C3orf85: variants seen among roughly 807,000 people sequenced by gnomAD.
C3orf85 encodes the protein chromosome 3 open reading frame 85.
A neutral mutation model predicts 1.7 loss-of-function variants in C3orf85; 1 was observed. That is an observed-to-expected ratio of 0.60 (90% CI 0.21 to 2.86). C3orf85 has a LOEUF of 2.86. Ranked by LOEUF, C3orf85 falls within the 30% of genes most tolerant of loss-of-function variation. The probability of loss-of-function intolerance (pLI) is 0.22; values close to 1 mark genes in which losing one functional copy is unlikely to be tolerated. For synonymous variants in C3orf85, 17 were observed against 8.0 expected, an observed-to-expected ratio of 2.13 and a Z score of -1.90; for missense variants, 29 against 21.3, an observed-to-expected ratio of 1.36 and a Z score of -0.72.
At position 109,151,379 on chromosome 3, in the gene C3orf85, T is replaced by C. The variant is rs1052145097; in HGVS notation, c.*1485T>C. On this transcript the variant is annotated 3_prime_UTR_variant, in exon 4 of 4. Transcript: ENST00000622536. ...CTCCTCAACATACGATGGCGTTACATCCCAATAAACCCGTCACACGCTGAA... is the reference window on the plus strand; with the variant it reads ...CTCCTCAACATACGATGGCGTTACACCCCAATAAACCCGTCACACGCTGAA... Among the ~76,000 whole-genome samples the C allele has an allele frequency of 6.6e-6, 1 of 152,130 alleles. No individual in the cohort carries two copies. Among genetic ancestry groups the C allele is most frequent in the African/African-American group, 2.4e-5 (1 of 41,398 alleles).
chr3:109,142,694 A>C (rs1706754515), intron 2 of C3orf85, among the ~76,000 whole-genome samples: 3 of 150,452 alleles, frequency 2.0e-5, no homozygotes, highest in Admixed American at 1.3e-4. Flanking sequence ...GTGCCCTGGC[A>C]TGTGCTCTGT....
chr3:109,139,131 CA>C (rs1706712248), intron 2 of C3orf85, among the ~76,000 whole-genome samples: 1 of 152,198 alleles, frequency 6.6e-6, no homozygotes, highest in African/African-American at 2.4e-5. Flanking sequence ...GCTACACAGT[CA>C]ATCAATGGTA....
intron 2 of C3orf85, among the ~76,000 whole-genome samples, chr3:109,147,087 A>C (rs1178196863): frequency 6.6e-6 from 1 of 152,182 alleles, no homozygotes; most frequent in African/African-American, 2.4e-5. Flanking sequence ...TTTTTAAAAA[A>C]TGTTTCTCCT....
rs754593996 is a variant in C3orf85 at position 109,148,378 on chromosome 3, G to A, written c.175G>A (p.Ala59Thr). Residue 59 changes from alanine (A) to threonine (T), a missense_variant, in exon 3 of 4, where the codon GCT (alanine) becomes ACT (threonine). Ala to Thr is a moderately conservative substitution (Grantham distance 58, BLOSUM62 0). Transcript: ENST00000622536. ...TTCAGATGTGTGGGTAAACACACTGGCTAAGCAGGTATTTGTATTAGAAAC... is the reference window on the plus strand; with the variant it reads ...TTCAGATGTGTGGGTAAACACACTGACTAAGCAGGTATTTGTATTAGAAAC... ...HSSDVWVNTL[A>T]KQARETWIAL... The A allele has an allele frequency of 5.7e-6, 4 of 702,454 alleles. 1 individual carries two copies. Among genetic ancestry groups the A allele is most frequent in the South Asian group, 4.4e-5 (3 of 67,592 alleles). 43.5% of individuals were successfully genotyped at this position (702,454 alleles called of 1,614,324 possible). A position where few individuals can be genotyped will look rare whatever the true frequency, so the allele number is the denominator to read the frequency against.
At chr3:109,139,029 T>C (rs962498752) in intron 2 of C3orf85, among the ~76,000 whole-genome samples, 1 of 152,238 alleles carries the variant, frequency 6.6e-6, no homozygotes, top group Non-Finnish European at 1.5e-5. Context: ...TCTTAGTCAG[T>C]TCTCATGACC....
chr3:109,148,615 C>G (rs1218230496), intron 3 of C3orf85: 1 of 481,014 alleles, frequency 2.1e-6, no homozygotes, highest in Non-Finnish European at 3.7e-6. Flanking sequence ...CCCTTCTTCT[C>G]AGGGCGACAT....
rs1706855374 is a variant in C3orf85 at position 109,150,303 on chromosome 3, T to C, written c.*409T>C. ...AGGACAGGGAGCTCTCAAATGGAGC[T>C]GATCCTCTTCTCTCTTCTTCAGTGC... On this transcript the variant is annotated 3_prime_UTR_variant, in exon 4 of 4. Coordinates refer to ENST00000622536, the MANE Select transcript of C3orf85 (RefSeq NM_001351622.2). 1 of 152,650 alleles carries C rather than the reference T, an allele frequency of 6.6e-6. No homozygotes were observed. The highest frequency in any genetic ancestry group is 1.5e-5 in the Non-Finnish European group (1 of 68,342). The allele number at this position is 152,650 out of a possible 1,614,324, so 9.5% of individuals were successfully genotyped here. A position where few individuals can be genotyped will look rare whatever the true frequency, so the allele number is the denominator to read the frequency against.
intron 2 of C3orf85, among the ~76,000 whole-genome samples, chr3:109,143,006 C>T (rs1706757597): frequency 6.6e-6 from 1 of 152,044 alleles, no homozygotes; most frequent in African/African-American, 2.4e-5. Context: ...GGAAGCATGC[C>T]CTAGGAGGGC....
At chr3:109,137,637 G>GTGTATA (rs751674362) in intron 2 of C3orf85, among the ~76,000 whole-genome samples, 1,738 of 79,862 alleles carry the variant, frequency 0.022, 42 homozygotes, top group South Asian at 0.062. Flanking sequence ...GTGTGTGTGT[G>GTGTATA]TATATATATA....
chr3:109,148,878 G>A (rs1325300333), intron 3 of C3orf85: 1 of 152,406 alleles, frequency 6.6e-6, no homozygotes, highest in Admixed American at 6.5e-5. Flanking sequence ...TTCACTTTCA[G>A]TTGTTCAGTA....
chr3:109,148,532 A>G, intron 3 of C3orf85, 146 bp downstream of exon 3: 1 of 597,268 alleles, frequency 1.7e-6, no homozygotes, highest in Non-Finnish European at 3.0e-6. Context: ...TTTCTTGCCC[A>G]TGAAGTGGTT....
Position 109,151,052 on chromosome 3 carries a change from A to T in C3orf85, c.*1158A>T, listed in dbSNP as rs1706863305. On this transcript the variant is annotated 3_prime_UTR_variant, in exon 4 of 4. Coordinates refer to ENST00000622536, the MANE Select transcript of C3orf85 (RefSeq NM_001351622.2). The stretch of plus-strand genomic sequence containing the variant: ...CATCCTATGGCCTAGAGGTGTTTTC[A>T]GTGAGAAATTTAAGGCTAATTTATA... Among the ~76,000 whole-genome samples the T allele has an allele frequency of 6.6e-6, 1 of 152,224 alleles. No individual in the cohort carries two copies. Among genetic ancestry groups the T allele is most frequent in the South Asian group, 2.1e-4 (1 of 4,834 alleles).
chr3:109,147,149 T>C (rs1209377241), intron 2 of C3orf85, among the ~76,000 whole-genome samples: 3 of 152,170 alleles, frequency 2.0e-5, no homozygotes, highest in African/African-American at 7.2e-5. Context: ...GTGAAACAAC[T>C]TCCTTGACCG....
Position 109,150,625 on chromosome 3 carries a change from G to A in C3orf85, c.*731G>A, listed in dbSNP as rs570991401. 6.6e-6 allele frequency: 1 copy of A among 152,186 alleles called. No homozygotes were observed. The highest frequency in any genetic ancestry group is 1.9e-4 in the East Asian group (1 of 5,184). The allele number at this position is 152,186 out of a possible 1,614,324, so 9.4% of individuals were successfully genotyped here. On this transcript the variant is annotated 3_prime_UTR_variant, in exon 4 of 4. Coordinates refer to ENST00000622536, the MANE Select transcript of C3orf85 (RefSeq NM_001351622.2). Reference sequence around the variant, plus strand: ...TTTTTCAATTAAAACTGAAAAATTGGCCATAGGGAAAAGTGGACTGCATTT... The same window carrying A: ...TTTTTCAATTAAAACTGAAAAATTGACCATAGGGAAAAGTGGACTGCATTT...
At chr3:109,144,379 G>A (rs1156681695) in intron 2 of C3orf85, among the ~76,000 whole-genome samples, 1 of 152,112 alleles carries the variant, frequency 6.6e-6, no homozygotes, top group Non-Finnish European at 1.5e-5. Flanking sequence ...ATCTCTGCAT[G>A]TCAATTTTCT....
chr3:109,148,466 C>T (rs1356954260), intron 3 of C3orf85, 80 bp downstream of exon 3: 1 of 697,184 alleles, frequency 1.4e-6, no homozygotes, highest in African/African-American at 1.8e-5. Flanking sequence ...CTAATTAACA[C>T]ATGACTAGCC....
chr3:109,149,636 A>G (rs1296826071), intron 3 of C3orf85, 169 bp from the exon 4 acceptor site: 12 of 372,888 alleles, frequency 3.2e-5, no homozygotes, highest in Admixed American at 4.5e-5. Flanking sequence ...ATATCTGAGT[A>G]TTGAAATAAA....
chr3:109,149,529 T>C, intron 3 of C3orf85: 1 of 251,720 alleles, frequency 4.0e-6, no homozygotes, highest in Non-Finnish European at 7.5e-6. Context: ...CTCCTGCCTC[T>C]ACTTGTAGAC....
Position 109,141,737 on chromosome 3 carries a change from ATTAC to A in C3orf85, c.49+4849_49+4852del, listed in dbSNP as rs148136237. 6.5e-3 allele frequency among the ~76,000 whole-genome samples: 997 copies of A among 152,318 alleles called. 12 individuals are homozygous for A. The highest frequency in any genetic ancestry group is 0.022 in the African/African-American group (930 of 41,576). ...AATAGCTATGCCATTGTGTGTAAAA[ATTAC>A]TTACTTAGTGGGGCGTGGTGGCTCA... On this transcript the variant is annotated intron_variant, in intron 2 of 3. Transcript: ENST00000622536.
Sources: allele counts gnomAD v4.1 joint callset (sites outside exome capture counted in the v4.1 genomes callset), GRCh38; gene constraint gnomAD v4.1.1; transcripts MANE v1.5; gene names NCBI Gene and HGNC (gene_info 2026-07-23, HGNC 2026-07-21).